XIRP2: variants seen among roughly 807,000 people sequenced by gnomAD.
XIRP2 encodes xin actin-binding repeat-containing protein 2.
XIRP2 carries 236 observed loss-of-function variants against 277.0 expected under a neutral mutation model. That is an observed-to-expected ratio of 0.85 (90% CI 0.77 to 0.95). XIRP2 has a LOEUF of 0.95. Among genes scored for constraint, XIRP2 ranks in the 40% least tolerant of loss-of-function variants. The probability of loss-of-function intolerance (pLI) is 0.00; values close to 1 mark genes in which losing one functional copy is unlikely to be tolerated. For synonymous variants in XIRP2, 1,490 were observed against 1,416.5 expected, an observed-to-expected ratio of 1.05 and a Z score of -1.17; for missense variants, 4,640 against 4,157.5, an observed-to-expected ratio of 1.12 and a Z score of -3.19.
At chr2:166,900,085 G>A (rs932048714) in intron 1 of XIRP2, among the ~76,000 whole-genome samples, 1 of 151,848 alleles carries the variant, frequency 6.6e-6, no homozygotes, top group Non-Finnish European at 1.5e-5. Flanking sequence ...AAGCCCCACT[G>A]TCTTTCTCTT....
chr2:167,076,303 A>G (rs1029569121), intron 2 of XIRP2, among the ~76,000 whole-genome samples: 7 of 152,198 alleles, frequency 4.6e-5, no homozygotes, highest in African/African-American at 9.6e-5. Context: ...ACTATACTCA[A>G]TCTTTTATTT....
intron 3 of XIRP2, among the ~76,000 whole-genome samples, chr2:167,163,424 G>C (rs1192392874): frequency 6.6e-6 from 1 of 152,096 alleles, no homozygotes. Flanking sequence ...TGATGATATT[G>C]AACATTTTTC....
At chr2:166,979,306 A>C (rs1462402364) in intron 2 of XIRP2, among the ~76,000 whole-genome samples, 1 of 151,826 alleles carries the variant, frequency 6.6e-6, no homozygotes, top group Non-Finnish European at 1.5e-5. Flanking sequence ...TAGTATGGTA[A>C]AGTAAATCAA....
intron 2 of XIRP2, among the ~76,000 whole-genome samples, chr2:166,935,049 A>ATG (rs761579689): frequency 2.1e-4 from 32 of 151,904 alleles, no homozygotes; most frequent in South Asian, 8.3e-4. Flanking sequence ...AAAAAGCACA[A>ATG]TGTGTGTGTA....
At chr2:167,063,138 T>C (rs1305165602) in intron 2 of XIRP2, among the ~76,000 whole-genome samples, 1 of 151,944 alleles carries the variant, frequency 6.6e-6, no homozygotes, top group Non-Finnish European at 1.5e-5. Context: ...ATTTTTATTT[T>C]TGGTCTTCAA....
Position 167,180,995 on chromosome 2 carries a change from GT to G in XIRP2, c.563-29736del, listed in dbSNP as rs554075370. Among the ~76,000 whole-genome samples the G allele has an allele frequency of 1.2e-4, 18 of 152,294 alleles. No individual in the cohort carries two copies. The East Asian group carries it at 2.7e-3, about 23-fold the overall frequency. On this transcript the variant is annotated intron_variant, in intron 3 of 10. Transcript: ENST00000409195. The stretch of plus-strand genomic sequence containing the variant: ...CCTATACCTTACAATCCTAACTTGT[GT>G]TTTCAGATACAATGTGTAAACTTCC...
At chr2:166,911,073 G>A (rs1183393498) in intron 2 of XIRP2, among the ~76,000 whole-genome samples, 2 of 152,128 alleles carry the variant, frequency 1.3e-5, no homozygotes, top group East Asian at 1.9e-4. Flanking sequence ...GTGGTGCTGA[G>A]AAAAATGTAT....
intron 2 of XIRP2, among the ~76,000 whole-genome samples, chr2:167,044,203 G>T (rs1266428823): frequency 6.6e-6 from 1 of 151,940 alleles, no homozygotes; most frequent in Non-Finnish European, 1.5e-5. Context: ...TACAGAAAAG[G>T]CTTTTGATAA....
intron 4 of XIRP2, among the ~76,000 whole-genome samples, chr2:167,214,104 AG>A (rs1694150037): frequency 8.7e-6 from 1 of 114,840 alleles, no homozygotes; most frequent in African/African-American, 4.1e-5. Flanking sequence ...GAAGGAAGGA[AG>A]GAAGGAAGGA....
intron 2 of XIRP2, among the ~76,000 whole-genome samples, chr2:167,059,101 CTTTT>C (rs572437575): frequency 2.2e-4 from 21 of 95,946 alleles, no homozygotes; most frequent in African/African-American, 8.1e-4. Context: ...TTTTTTTTCT[CTTTT>C]TTTTTTTTTT....
intron 3 of XIRP2, among the ~76,000 whole-genome samples, chr2:167,151,613 T>C (rs997741320): frequency 6.6e-6 from 1 of 152,174 alleles, no homozygotes; most frequent in Non-Finnish European, 1.5e-5. Flanking sequence ...ACTTTTATTG[T>C]CTGGCCCAGA....
At chr2:166,939,724 C>CAA (rs1158683568) in intron 2 of XIRP2, among the ~76,000 whole-genome samples, 2 of 119,784 alleles carry the variant, frequency 1.7e-5, no homozygotes, top group African/African-American at 3.3e-5. Context: ...AAAAACAAAA[C>CAA]AAAAAAAAAA....
At chr2:167,008,596 G>A (rs1263430015) in intron 2 of XIRP2, among the ~76,000 whole-genome samples, 2 of 151,438 alleles carry the variant, frequency 1.3e-5, no homozygotes, top group East Asian at 3.9e-4. Context: ...TGAAGATTTT[G>A]TTTTTTAAAA....
chr2:167,149,109 G>C (rs1236086977), intron 3 of XIRP2, among the ~76,000 whole-genome samples: 1 of 152,084 alleles, frequency 6.6e-6, no homozygotes, highest in Non-Finnish European at 1.5e-5. Flanking sequence ...GGTCTGAGTG[G>C]ATGGAAAATA....
At chr2:167,102,319 G>A (rs1478936452) in intron 2 of XIRP2, among the ~76,000 whole-genome samples, 2 of 152,154 alleles carry the variant, frequency 1.3e-5, no homozygotes, top group Admixed American at 6.5e-5. Flanking sequence ...AGTCCTTTGG[G>A]ATTATGGCTT....
chr2:167,172,837 G>T (rs369590510), intron 3 of XIRP2, among the ~76,000 whole-genome samples: 1 of 152,142 alleles, frequency 6.6e-6, no homozygotes, highest in Non-Finnish European at 1.5e-5. Context: ...CTCAGCTTAC[G>T]AAGATGATGG....
intron 2 of XIRP2, among the ~76,000 whole-genome samples, chr2:167,068,133 A>G (rs533004100): frequency 6.6e-6 from 1 of 152,206 alleles, no homozygotes; most frequent in South Asian, 2.1e-4. Flanking sequence ...ATATTTTCTA[A>G]TGTCTTGTAT....
chr2:167,017,458 G>C (rs1226170630), intron 2 of XIRP2, among the ~76,000 whole-genome samples: 2 of 151,886 alleles, frequency 1.3e-5, no homozygotes, highest in Non-Finnish European at 2.9e-5. Context: ...AGTTACCCTT[G>C]CCAAGATAGT....
At chr2:167,222,371 G>C (rs952649895) in intron 5 of XIRP2, among the ~76,000 whole-genome samples, 8 of 152,136 alleles carry the variant, frequency 5.3e-5, no homozygotes, top group Non-Finnish European at 1.5e-5. Context: ...TGGTGGGAAG[G>C]GTTGAGCTTC....
Sources: allele counts gnomAD v4.1 joint callset (sites outside exome capture counted in the v4.1 genomes callset), GRCh38; gene constraint gnomAD v4.1.1; transcripts MANE v1.5; gene names NCBI Gene and HGNC (gene_info 2026-07-23, HGNC 2026-07-21).